Variants in PRR16 observed in about 807,000 individuals in gnomAD.
The protein encoded by PRR16 is protein Largen.
Under a neutral mutation model 18.2 loss-of-function variants are expected in PRR16, and 6 were observed. The ratio of observed to expected loss-of-function variants is 0.33; its 90% CI spans 0.18 to 0.65. PRR16 has a LOEUF of 0.65. Ranked by LOEUF, PRR16 falls within the 30% of genes least tolerant of loss-of-function variation. PRR16 has a pLI of 0.74. For synonymous variants in PRR16, 151 were observed against 147.8 expected (o/e 1.02, Z -0.16); for missense variants, 412 against 376.6 (o/e 1.09, Z -0.78).
At chr5:120,754,091 T>C in the PRR16 span, among the ~76,000 whole-genome samples, 1 of 119,250 alleles carries the variant, frequency 8.4e-6, no homozygotes, top group Non-Finnish European at 1.7e-5. Flanking sequence ...GCTTATGTTT[T>C]AGTTATATCA....
intron 1 of PRR16, among the ~76,000 whole-genome samples, chr5:120,598,924 T>C (rs918225911): frequency 9.9e-5 from 15 of 151,904 alleles, no homozygotes; most frequent in Non-Finnish European, 2.1e-4. Flanking sequence ...GAATTTTTTG[T>C]TCATCTTTTT....
At chr5:120,483,257 A>G (rs1460177366) in intron 1 of PRR16, among the ~76,000 whole-genome samples, 1 of 152,162 alleles carries the variant, frequency 6.6e-6, no homozygotes, top group Admixed American at 6.6e-5. Flanking sequence ...GACACAGATT[A>G]CCTGTGCATA....
chr5:120,688,320 G>C (rs1044305653), downstream of PRR16, among the ~76,000 whole-genome samples: 4 of 152,162 alleles, frequency 2.6e-5, no homozygotes, highest in Non-Finnish European at 5.9e-5. Flanking sequence ...CATGCGTTAT[G>C]TTTCATAGGT....
chr5:120,497,884 GTCTGCATGGCATA>G (rs1424214373), intron 1 of PRR16, among the ~76,000 whole-genome samples: 6 of 151,334 alleles, frequency 4.0e-5, no homozygotes, highest in Non-Finnish European at 1.5e-5. Context: ...TTTGATTAAT[GTCTGCATGGCATA>G]TCTTCTCCCA....
At chr5:120,739,410 A>C in the PRR16 span, among the ~76,000 whole-genome samples, 1 of 152,156 alleles carries the variant, frequency 6.6e-6, no homozygotes, top group South Asian at 2.1e-4. Flanking sequence ...CATGGTTATA[A>C]GAGGGCAATG....
At chr5:120,785,572 G>GTTTTTTTTTTTTTTTTTTTTTTTT in the PRR16 span, among the ~76,000 whole-genome samples, 79 of 119,934 alleles carry the variant, frequency 6.6e-4, 13 homozygotes, top group Non-Finnish European at 9.4e-4. Context: ...TTTTGTTGTT[G>GTTTTTTTTTTTTTTTTTTTTTTTT]TTGTTTTTTT....
intron 1 of PRR16, among the ~76,000 whole-genome samples, chr5:120,574,812 A>C (rs980043708): frequency 6.7e-6 from 1 of 149,142 alleles, no homozygotes; most frequent in Non-Finnish European, 1.5e-5. Flanking sequence ...ATGTAAATTG[A>C]CACAACTACT....
chr5:120,754,331 TATATATAA>T, the PRR16 span, among the ~76,000 whole-genome samples: 11 of 70,752 alleles, frequency 1.6e-4, no homozygotes, highest in South Asian at 4.3e-3. Flanking sequence ...TATTATATGT[TATATATAA>T]ATATATGTTA....
chr5:120,628,103 G>T (rs1391995422), intron 1 of PRR16, among the ~76,000 whole-genome samples: 1 of 151,956 alleles, frequency 6.6e-6, no homozygotes, highest in East Asian at 1.9e-4. Flanking sequence ...TTTCTTACAT[G>T]TGAAGATGGA....
chr5:120,754,886 G>A, the PRR16 span, among the ~76,000 whole-genome samples: 3 of 151,230 alleles, frequency 2.0e-5, no homozygotes, highest in African/African-American at 7.3e-5. Context: ...GGTATAAGGA[G>A]AGTGAAAATA....
chr5:120,591,456 T>G (rs1050071897), intron 1 of PRR16, among the ~76,000 whole-genome samples: 1 of 152,002 alleles, frequency 6.6e-6, no homozygotes, highest in Non-Finnish European at 1.5e-5. Context: ...TATAAAGGGA[T>G]ATAATCCTTA....
At chr5:120,538,733 C>G (rs936134354) in intron 1 of PRR16, among the ~76,000 whole-genome samples, 2 of 152,156 alleles carry the variant, frequency 1.3e-5, no homozygotes, top group African/African-American at 4.8e-5. Context: ...GTCCTTGCTT[C>G]CCACACTCTC....
At chr5:120,509,556 C>A (rs1486290318) in intron 1 of PRR16, among the ~76,000 whole-genome samples, 1 of 152,018 alleles carries the variant, frequency 6.6e-6, no homozygotes, top group African/African-American at 2.4e-5. Flanking sequence ...TTCCTTTGTT[C>A]ATTTCTCATA....
chr5:120,650,987 CTGT>C (rs979198985), intron 1 of PRR16, among the ~76,000 whole-genome samples: 12 of 152,090 alleles, frequency 7.9e-5, no homozygotes, highest in African/African-American at 2.9e-4. Flanking sequence ...TCTCCAGCAC[CTGT>C]TGTTTCCTGA....
the PRR16 span, among the ~76,000 whole-genome samples, chr5:120,711,112 T>G: frequency 1.3e-5 from 2 of 152,172 alleles, no homozygotes; most frequent in Non-Finnish European, 2.9e-5. Flanking sequence ...TTTTGTTATA[T>G]TGGTCTCACT....
At chr5:120,474,431 C>T (rs1473418968) in intron 1 of PRR16, among the ~76,000 whole-genome samples, 2 of 152,210 alleles carry the variant, frequency 1.3e-5, no homozygotes, top group East Asian at 3.9e-4. Flanking sequence ...AATAGTAGAA[C>T]TAGGAACCCA....
At chr5:120,777,942 T>G in the PRR16 span, among the ~76,000 whole-genome samples, 1 of 152,136 alleles carries the variant, frequency 6.6e-6, no homozygotes, top group African/African-American at 2.4e-5. Flanking sequence ...ACACTGAAAC[T>G]ACTTTTGGTT....
At chr5:120,618,539 T>C in intron 1 of PRR16, 10 of 953,308 alleles carry the variant, frequency 1.0e-5, no homozygotes, top group Non-Finnish European at 1.2e-5. Flanking sequence ...GCTATATTTA[T>C]CTTCTCAATC....
intron 1 of PRR16, among the ~76,000 whole-genome samples, chr5:120,608,460 A>G (rs1018294551): frequency 6.6e-6 from 1 of 152,222 alleles, no homozygotes; most frequent in Non-Finnish European, 1.5e-5. Flanking sequence ...GAATAATGCA[A>G]AACTATCCAA....
Sources: gnomAD v4.1 joint callset for allele counts (sites outside exome capture counted in the v4.1 genomes callset) on GRCh38, gnomAD v4.1.1 for gene constraint, MANE v1.5 for transcripts, NCBI Gene and HGNC (gene_info 2026-07-23, HGNC 2026-07-21) for gene names.